Variants in GRK3 observed in about 807,000 individuals in gnomAD.
GRK3 encodes the protein G protein-coupled receptor kinase 3.
GRK3 carries 54 observed loss-of-function variants against 95.7 expected under a neutral mutation model. The observed-to-expected ratio is 0.56, with a 90% CI of 0.45 to 0.71. GRK3 has a LOEUF of 0.71. GRK3 is among the 30% of genes least tolerant of loss of function. The pLI is 0.00. For synonymous variants in GRK3, 281 were observed against 290.8 expected (o/e 0.97, Z 0.34); for missense variants, 649 against 851.2 (o/e 0.76, Z 2.96).
At chr22:25,681,673 G>A (rs943789334) in intron 9 of GRK3, among the ~76,000 whole-genome samples, 1 of 152,156 alleles carries the variant, frequency 6.6e-6, no homozygotes, top group Non-Finnish European at 1.5e-5. Flanking sequence ...AGATTGCTCC[G>A]GCTGCAGTGT....
At chr22:25,585,914 A>G (rs958559807) in intron 1 of GRK3, among the ~76,000 whole-genome samples, 4 of 152,296 alleles carry the variant, frequency 2.6e-5, no homozygotes, top group Admixed American at 6.5e-5. Flanking sequence ...TTATCTTGCT[A>G]TATACACTCT....
rs571265144 is a variant in GRK3, at chr22:25,722,924, G to C, written c.*474G>C. ...TTGTGCACTTCGCAACTGACTTCTT[G>C]TCCTGGGGTTAAAAGTTGAAGATAT... On this transcript the variant is annotated 3_prime_UTR_variant, in exon 21 of 21. Transcript: ENST00000324198. 1 of 152,644 alleles carries C rather than the reference G, an allele frequency of 6.6e-6. No individual in the cohort carries two copies. The highest frequency in any genetic ancestry group is 2.4e-5 in the African/African-American group (1 of 41,558). 9.5% of individuals were successfully genotyped at this position (152,644 alleles called of 1,614,324 possible). A position where few individuals can be genotyped will look rare whatever the true frequency, so the allele number is the denominator to read the frequency against.
chr22:25,595,286 T>C (rs1209159405), intron 1 of GRK3, among the ~76,000 whole-genome samples: 2 of 152,090 alleles, frequency 1.3e-5, no homozygotes, highest in East Asian at 3.9e-4. Context: ...ACTCCAGGAA[T>C]TGATAAACGA....
chr22:25,646,012 G>T (rs2084779762), intron 3 of GRK3, among the ~76,000 whole-genome samples: 1 of 151,780 alleles, frequency 6.6e-6, no homozygotes, highest in African/African-American at 2.4e-5. Flanking sequence ...ATTGGATGAT[G>T]AGCTCCCTCC....
rs145916227 is a variant in GRK3, at chr22:25,631,175, A to G, written c.191-13417A>G. On this transcript the variant is annotated intron_variant, in intron 2 of 20. Transcript: ENST00000324198. ...ATGGGAGTTTTCAGGTTTTATAGCT[A>G]TATGCTTTTTTCTTTATTTATGAAT... 2.1e-3 allele frequency among the ~76,000 whole-genome samples: 317 copies of G among 152,264 alleles called. 1 individual carries two copies. The highest frequency in any genetic ancestry group is 0.014 in the East Asian group (75 of 5,182).
chr22:25,698,563 C>T (rs1482448787), intron 13 of GRK3, among the ~76,000 whole-genome samples: 1 of 152,052 alleles, frequency 6.6e-6, no homozygotes, highest in East Asian at 1.9e-4. Flanking sequence ...TACCAGCTTT[C>T]TATGTTTCTT....
At chr22:25,565,489 C>A (rs1412637507) in intron 1 of GRK3, among the ~76,000 whole-genome samples, 1 of 152,158 alleles carries the variant, frequency 6.6e-6, no homozygotes, top group African/African-American at 2.4e-5. Context: ...CTGCCCTGTC[C>A]CATCCCCGTG....
At chr22:25,596,725 T>C (rs1179315343) in intron 1 of GRK3, among the ~76,000 whole-genome samples, 1 of 152,214 alleles carries the variant, frequency 6.6e-6, no homozygotes, top group Non-Finnish European at 1.5e-5. Flanking sequence ...CATATCTTTA[T>C]TGAGACTCAT....
chr22:25,705,344 C>T lies in GRK3; in HGVS notation c.1328+1135C>T, dbSNP rs76431109. Among the ~76,000 whole-genome samples, 744 of 152,270 alleles carry T rather than the reference C, an allele frequency of 4.9e-3. 21 individuals carry two copies. In the East Asian group the frequency reaches 0.062, roughly 13 times the overall value. The stretch of plus-strand genomic sequence containing the variant: ...ACAGTATCTGAGTTGAGGATTTTGA[C>T]ATTCCTATCTTTCATTGACTTCTGT... On this transcript the variant is annotated intron_variant, in intron 15 of 20. Coordinates refer to ENST00000324198, the MANE Select transcript of GRK3 (RefSeq NM_005160.4).
At chr22:25,619,309 A>G (rs1212828126) in intron 2 of GRK3, among the ~76,000 whole-genome samples, 2 of 152,166 alleles carry the variant, frequency 1.3e-5, no homozygotes. Flanking sequence ...GATCTCATTT[A>G]GTCTTCAGAA....
At chr22:25,571,619 G>A (rs988721260) in intron 1 of GRK3, among the ~76,000 whole-genome samples, 7 of 152,110 alleles carry the variant, frequency 4.6e-5, no homozygotes, top group South Asian at 2.1e-4. Context: ...ACATAATAGC[G>A]AATATTAAGG....
intron 2 of GRK3, among the ~76,000 whole-genome samples, chr22:25,613,723 T>G (rs1052787420): frequency 1.3e-5 from 2 of 152,218 alleles, no homozygotes; most frequent in Non-Finnish European, 2.9e-5. Context: ...TCACCTGTGT[T>G]GGACTAAACA....
At chr22:25,699,598 C>G (rs530566262) in intron 13 of GRK3, among the ~76,000 whole-genome samples, 1 of 152,256 alleles carries the variant, frequency 6.6e-6, no homozygotes, top group African/African-American at 2.4e-5. Flanking sequence ...ACCACTGCCC[C>G]AGAGCAAATG....
At chr22:25,685,361 T>C (rs1156987434) in intron 10 of GRK3, 113 bp downstream of exon 10, 1 of 830,406 alleles carries the variant, frequency 1.2e-6, no homozygotes, top group Non-Finnish European at 2.1e-6. Flanking sequence ...GTAATTAGGT[T>C]CCCCCTGAAG....
chr22:25,709,686 C>A (rs749806430), intron 15 of GRK3, among the ~76,000 whole-genome samples: 12 of 152,010 alleles, frequency 7.9e-5, no homozygotes, highest in Non-Finnish European at 1.6e-4. Context: ...AATAAATGAT[C>A]ATATGGGATA....
chr22:25,656,482 C>T (rs1481385210), intron 3 of GRK3, among the ~76,000 whole-genome samples: 1 of 151,104 alleles, frequency 6.6e-6, no homozygotes, highest in Non-Finnish European at 1.5e-5. Context: ...CACCCAGATA[C>T]TTTTTTTTTA....
rs1277001903 is a variant in GRK3, at chr22:25,565,012, C to G, written c.-29C>G. 2.7e-6 allele frequency: 3 copies of G among 1,096,740 alleles called. No individual in the cohort carries two copies. Among genetic ancestry groups the G allele is most frequent in the African/African-American group, 3.4e-5 (2 of 59,070 alleles). The allele number at this position is 1,096,740 out of a possible 1,614,324, so 67.9% of individuals were successfully genotyped here. A position where few individuals can be genotyped will look rare whatever the true frequency, so the allele number is the denominator to read the frequency against. On this transcript the variant is annotated 5_prime_UTR_variant, in exon 1 of 21. Transcript: ENST00000324198. ...GCGTCCCGTCCAGGTCCGGAGTAACCGCCGCCGCCGCCGCCAAAGCTCGCC... is the reference window on the plus strand; with the variant it reads ...GCGTCCCGTCCAGGTCCGGAGTAACGGCCGCCGCCGCCGCCAAAGCTCGCC...
chr22:25,704,173 G>A lies in GRK3; in HGVS notation c.1292G>A (p.Arg431Gln), dbSNP rs774455287. Residue 431 changes from arginine (R) to glutamine (Q), a missense_variant, in exon 15 of 21, where the codon CGA becomes CAA. Arg to Gln is a conservative substitution (Grantham distance 43, BLOSUM62 1). This residue lies in a region of GRK3 where 382 missense variants were observed against 493.8 expected (regional missense o/e 0.77). Transcript: ENST00000324198. The stretch of plus-strand genomic sequence containing the variant: ...TCCCTTTTGGAGGGCTTGCTTCAGC[G>A]AGACGTTAGCAAGCGGCTGGGCTGT... ...LKSLLEGLLQ[R>Q]DVSKRLGCHG... The A allele has an allele frequency of 8.1e-6, 13 of 1,613,576 alleles. No individual in the cohort carries two copies. The highest frequency in any genetic ancestry group is 1.7e-5 in the Admixed American group (1 of 59,974).
intron 3 of GRK3, among the ~76,000 whole-genome samples, chr22:25,660,467 G>A (rs76277476): frequency 0.04 from 6,118 of 152,192 alleles, 183 homozygotes; most frequent in Non-Finnish European, 0.055. Flanking sequence ...TGATCTTTCA[G>A]GACAATTAAG....
Sources: allele counts gnomAD v4.1 joint callset (sites outside exome capture counted in the v4.1 genomes callset), GRCh38; gene constraint gnomAD v4.1.1; regional missense constraint gnomAD v4.1.1; transcripts MANE v1.5; gene names NCBI Gene and HGNC (gene_info 2026-07-23, HGNC 2026-07-21).